Variants in ZNF701 observed in about 807,000 individuals in gnomAD.
The protein encoded by ZNF701 is zinc finger protein 701.
A neutral mutation model predicts 7.1 loss-of-function variants in ZNF701; 6 were observed. That is an observed-to-expected ratio of 0.84 (90% CI 0.46 to 1.66). ZNF701 has a LOEUF of 1.66. Among genes scored for constraint, ZNF701 ranks in the 40% most tolerant of loss-of-function variants. The pLI, the probability that ZNF701 is intolerant of heterozygous loss-of-function variation, is 0.01. For missense variants in ZNF701, 541 were observed against 559.2 expected, an observed-to-expected ratio of 0.97 and a Z score of 0.33; for synonymous variants, 166 against 188.2, an observed-to-expected ratio of 0.88 and a Z score of 0.97.
At chr19:52,581,548 T>G (rs1478665175) in intron 3 of ZNF701, among the ~76,000 whole-genome samples, 1 of 152,206 alleles carries the variant, frequency 6.6e-6, no homozygotes, top group Non-Finnish European at 1.5e-5. Context: ...AGTCTCACTT[T>G]GTCACCCAGG....
At chr19:52,595,980 A>AC in the ZNF701 span, 1 of 1,606,616 alleles carries the variant, frequency 6.2e-7, no homozygotes. Context: ...AAGTCTATCA[A>AC]TGATGCTTCC....
At chr19:52,595,267 A>G in the ZNF701 span, among the ~76,000 whole-genome samples, 89 of 132,850 alleles carry the variant, frequency 6.7e-4, 1 homozygote, top group Non-Finnish European at 9.6e-5. Flanking sequence ...ACTATTATTT[A>G]CCATCTGTAC....
intron 2 of ZNF701, among the ~76,000 whole-genome samples, chr19:52,575,180 A>T (rs987089727): frequency 3.3e-5 from 5 of 152,132 alleles, no homozygotes; most frequent in Non-Finnish European, 5.9e-5. Flanking sequence ...CGTGTTAGCC[A>T]GGATGGTCTC....
downstream of ZNF701, among the ~76,000 whole-genome samples, chr19:52,590,876 T>C (rs1244747882): frequency 6.6e-6 from 1 of 152,234 alleles, no homozygotes; most frequent in African/African-American, 2.4e-5. Context: ...AGTCTCATTC[T>C]GTCATCAGGC....
At chr19:52,597,341 C>A in the ZNF701 span, 1 of 540,702 alleles carries the variant, frequency 1.8e-6, no homozygotes, top group Non-Finnish European at 3.8e-6. Flanking sequence ...AGAAATCTTA[C>A]AAATGTCTTA....
In ZNF701 at chr19:52,583,342, A is replaced by G. The variant is rs2059989519; in HGVS notation, c.1283A>G (p.His428Arg). 5.6e-6 allele frequency: 9 copies of G among 1,604,662 alleles called. No individual in the cohort carries two copies. In the East Asian group the frequency reaches 1.8e-4, roughly 32 times the overall value. Residue 428 changes from histidine (H) to arginine (R), a missense_variant, in exon 4 of 4, where the codon CAT becomes CGT. Transcript: ENST00000391785. Reference sequence around the variant, plus strand: ...AATCACAAATCAAACCTTGCATGTCATCGTAGACTTCATACTGGAGAGAAA... The same window carrying G: ...AATCACAAATCAAACCTTGCATGTCGTCGTAGACTTCATACTGGAGAGAAA... ...VFNHKSNLACHRRLHTGEKPY... is the reference protein window; with the variant it reads ...VFNHKSNLACRRRLHTGEKPY...
chr19:52,576,198 C>T (rs959458232), intron 3 of ZNF701, among the ~76,000 whole-genome samples, 177 bp downstream of exon 3: 2 of 152,120 alleles, frequency 1.3e-5, no homozygotes, highest in Non-Finnish European at 2.9e-5. Context: ...AGATGTTCTG[C>T]ATTCTTCATG....
the ZNF701 span, chr19:52,595,781 G>T: frequency 2.0e-5 from 32 of 1,600,780 alleles, no homozygotes; most frequent in African/African-American, 3.5e-4. Flanking sequence ...TCAGTGGCAA[G>T]AAATTTAAAG....
chr19:52,583,592 T>TA lies in ZNF701; in HGVS notation c.*136dup, dbSNP rs1441418261. 1 of 1,413,240 alleles carries TA rather than the reference T, an allele frequency of 7.1e-7. No individual in the cohort carries two copies. The highest frequency in any genetic ancestry group is 1.4e-5 in the African/African-American group (1 of 70,746). 87.5% of individuals were successfully genotyped at this position (1,413,240 alleles called of 1,614,324 possible). On this transcript the variant is annotated 3_prime_UTR_variant, in exon 4 of 4. Transcript: ENST00000391785. ...ATTTCAAATCACTCCTTGAAATACA[T>TA]AGGAGAGTTCATACTGGAGAGAAAC...
chr19:52,594,208 C>T, the ZNF701 span: 2 of 119,620 alleles, frequency 1.7e-5, 1 homozygote, highest in African/African-American at 6.5e-5. Context: ...ATCACAGGCA[C>T]TCAGCAGGCT....
At chr19:52,593,360 G>T in the ZNF701 span, among the ~76,000 whole-genome samples, 1 of 115,926 alleles carries the variant, frequency 8.6e-6, no homozygotes, top group Non-Finnish European at 1.9e-5. Context: ...GCGCGGCCGG[G>T]CAGAGGCGCC....
At chr19:52,579,037 C>T (rs771300702) in intron 3 of ZNF701, among the ~76,000 whole-genome samples, 7 of 143,946 alleles carry the variant, frequency 4.9e-5, no homozygotes, top group Non-Finnish European at 1.0e-4. Flanking sequence ...TGAGCCACCG[C>T]GCCCCGCCGT....
intron 2 of ZNF701, among the ~76,000 whole-genome samples, 190 bp downstream of exon 2, chr19:52,574,352 G>A (rs1010766805): frequency 6.6e-6 from 1 of 152,138 alleles, no homozygotes; most frequent in African/African-American, 2.4e-5. Flanking sequence ...ATGAACTTGG[G>A]AAGAGGCTGC....
chr19:52,570,330 G>T lies in ZNF701; in HGVS notation c.-72G>T. 6.5e-6 allele frequency: 1 copy of T among 154,288 alleles called. No homozygotes were observed. Among genetic ancestry groups the T allele is most frequent in the South Asian group, 1.9e-4 (1 of 5,354 alleles). 9.6% of individuals were successfully genotyped at this position (154,288 alleles called of 1,614,324 possible). ...CGTGGAGTGAAGGTCGCACCGCGGC[G>T]GTGAGTTTTGCTCTGTGTTGTATTA... is the stretch of plus-strand genomic sequence containing the variant. On this transcript the variant is annotated splice_region_variant and 5_prime_UTR_variant, in exon 1 of 4. Transcript: ENST00000391785.
intron 2 of ZNF701, among the ~76,000 whole-genome samples, chr19:52,575,115 A>AC (rs930680904): frequency 3.3e-5 from 5 of 151,690 alleles, no homozygotes; most frequent in South Asian, 2.1e-4. Context: ...GACTACAGGC[A>AC]CCCCCCACCA....
rs773061907 is a variant in ZNF701 at position 52,583,246 on chromosome 19, C to A, written c.1187C>A (p.Ser396Tyr). The change falls in exon 4 of 4, where the codon TCT becomes TAT. Residue 396 changes from serine (S) to tyrosine (Y), a missense_variant. Physicochemically the swap from Ser to Tyr is moderately radical, Grantham distance 144. Transcript: ENST00000391785. ...GGCAAGACCTTTGTTCAAAATTCATCTCTTGTAATGCATAAGGTCATTCAT... is the reference window on the plus strand; with the variant it reads ...GGCAAGACCTTTGTTCAAAATTCATATCTTGTAATGCATAAGGTCATTCAT... Reference protein sequence around the residue: ...ECGKTFVQNSSLVMHKVIHTG... With the variant: ...ECGKTFVQNSYLVMHKVIHTG... 1 of 1,609,914 alleles carries A rather than the reference C, an allele frequency of 6.2e-7. No homozygotes were observed. Among genetic ancestry groups the A allele is most frequent in the Non-Finnish European group, 8.5e-7 (1 of 1,177,014 alleles).
chr19:52,597,353 G>C, the ZNF701 span: 8 of 539,402 alleles, frequency 1.5e-5, no homozygotes, highest in Non-Finnish European at 3.0e-5. Context: ...AATGTCTTAA[G>C]TGTGGCAAGG....
the ZNF701 span, among the ~76,000 whole-genome samples, chr19:52,599,074 G>A: frequency 2.0e-5 from 3 of 151,500 alleles, no homozygotes; most frequent in African/African-American, 7.3e-5. Flanking sequence ...TGTTACCCAG[G>A]CTTGAGTGCA....
intron 3 of ZNF701, among the ~76,000 whole-genome samples, chr19:52,580,034 C>G (rs1273515531): frequency 7.0e-6 from 1 of 142,290 alleles, no homozygotes; most frequent in South Asian, 2.1e-4. Context: ...CTCCACCTCC[C>G]GGGGTCACAC....
Sources: gnomAD v4.1 joint callset for allele counts (sites outside exome capture counted in the v4.1 genomes callset) on GRCh38, gnomAD v4.1.1 for gene constraint, MANE v1.5 for transcripts, NCBI Gene and HGNC (gene_info 2026-07-23, HGNC 2026-07-21) for gene names.